Variants in TPRG1 observed in about 807,000 individuals in gnomAD.
TPRG1 encodes the protein tumor protein p63 regulated 1, also known as tumor protein p63-regulated gene 1 protein.
A neutral mutation model predicts 29.3 loss-of-function variants in TPRG1; 29 were observed. The observed-to-expected ratio is 0.99, with a 90% CI of 0.74 to 1.35. The LOEUF (loss-of-function observed/expected upper bound fraction) is 1.35. Ranked by LOEUF, TPRG1 falls within the 40% of genes most tolerant of loss-of-function variation. The pLI is 0.00. For missense variants in TPRG1, 327 were observed against 335.0 expected (o/e 0.98, Z 0.19); for synonymous variants, 130 against 116.8 (o/e 1.11, Z -0.73).
chr3:189,128,336 A>G (rs1373949357), intron 2 of TPRG1, among the ~76,000 whole-genome samples: 1 of 152,210 alleles, frequency 6.6e-6, no homozygotes, highest in Admixed American at 6.5e-5. Context: ...GACACCTTCA[A>G]GAAAGGGACA....
At chr3:189,086,407 G>A (rs1327002554) in intron 4 of TPRG1, among the ~76,000 whole-genome samples, 2 of 151,354 alleles carry the variant, frequency 1.3e-5, no homozygotes, top group Non-Finnish European at 2.9e-5. Context: ...CTCCCAGGCT[G>A]CACTGCAGTG....
chr3:189,272,925 G>A (rs890794146), intron 4 of TPRG1, among the ~76,000 whole-genome samples: 1 of 152,154 alleles, frequency 6.6e-6, no homozygotes, highest in Non-Finnish European at 1.5e-5. Context: ...TCTGGGGTCT[G>A]TAATGGAATA....
At chr3:189,116,839 AAG>A (rs1403758548) in intron 1 of TPRG1, among the ~76,000 whole-genome samples, 2 of 152,186 alleles carry the variant, frequency 1.3e-5, no homozygotes, top group Admixed American at 6.5e-5. Context: ...TCAAGATAAA[AAG>A]AGTTTTGGAG....
chr3:189,022,161 T>C (rs1198462867), intron 3 of TPRG1, among the ~76,000 whole-genome samples: 1 of 152,212 alleles, frequency 6.6e-6, no homozygotes, highest in Non-Finnish European at 1.5e-5. Context: ...TTTCATCTTC[T>C]TTGCCTTTGG....
chr3:189,176,251 G>A (rs534956471), intron 1 of TPRG1, among the ~76,000 whole-genome samples: 8 of 152,282 alleles, frequency 5.3e-5, no homozygotes, highest in African/African-American at 1.4e-4. Flanking sequence ...CTCAAGAGAC[G>A]TATGTAGGTG....
At chr3:189,279,513 T>C (rs1242817872) in intron 4 of TPRG1, among the ~76,000 whole-genome samples, 1 of 152,238 alleles carries the variant, frequency 6.6e-6, no homozygotes, top group African/African-American at 2.4e-5. Flanking sequence ...AGAAACTAAT[T>C]TGTGTAAATT....
Position 189,238,824 on chromosome 3 carries a change from T to C in TPRG1, c.394T>C (p.Cys132Arg), listed in dbSNP as rs935255265. 1 of 1,613,804 alleles carries C rather than the reference T, an allele frequency of 6.2e-7. No homozygotes were observed. The highest frequency in any genetic ancestry group is 8.5e-7 in the Non-Finnish European group (1 of 1,179,746). ...CAAATACGACTTCATCATGCTGAGT[T>C]GTGTGCAGCTGCAGCGGATTCCTCT... Reference protein sequence around the residue: ...ICKYDFIMLSCVQLQRIPLSA... With the variant: ...ICKYDFIMLSRVQLQRIPLSA... The change falls in exon 4 of 6, where the codon TGT becomes CGT. Residue 132 changes from cysteine (C) to arginine (R), a missense_variant. Cys to Arg is a radical substitution (Grantham distance 180, BLOSUM62 -3). Transcript: ENST00000345063.
intron 1 of TPRG1, among the ~76,000 whole-genome samples, chr3:189,201,032 T>C (rs1422829916): frequency 6.6e-6 from 1 of 152,272 alleles, no homozygotes; most frequent in African/African-American, 2.4e-5. Context: ...ACAGCATTTG[T>C]CCCCTTTGGA....
At chr3:189,231,106 A>T (rs1738567750) in intron 3 of TPRG1, among the ~76,000 whole-genome samples, 1 of 152,104 alleles carries the variant, frequency 6.6e-6, no homozygotes, top group Non-Finnish European at 1.5e-5. Context: ...CTGCAAAGGG[A>T]ACTTTACATA....
chr3:189,101,821 A>C (rs926303074), intron 1 of TPRG1, among the ~76,000 whole-genome samples: 1 of 151,328 alleles, frequency 6.6e-6, no homozygotes, highest in Non-Finnish European at 1.5e-5. Context: ...AATTAATAAT[A>C]AAAATAATAG....
chr3:189,113,868 T>A (rs562497235), intron 1 of TPRG1, among the ~76,000 whole-genome samples: 1 of 151,896 alleles, frequency 6.6e-6, no homozygotes, highest in South Asian at 2.1e-4. Flanking sequence ...TGTATACATA[T>A]GTAACTAACC....
At chr3:189,234,735 A>C (rs1562761) in intron 3 of TPRG1, among the ~76,000 whole-genome samples, 119,541 of 152,190 alleles carry the variant, frequency 0.79, 47,928 homozygotes, top group East Asian at 0.99. Context: ...TAAGAACTGA[A>C]TTTGTATTTT....
chr3:189,318,649 C>T (rs1052290525), intron 5 of TPRG1, among the ~76,000 whole-genome samples: 1 of 152,112 alleles, frequency 6.6e-6, no homozygotes, highest in Non-Finnish European at 1.5e-5. Flanking sequence ...TGGCTTTTGG[C>T]TTTTTGTTGA....
At chr3:189,055,436 G>A (rs958014424) in intron 4 of TPRG1, among the ~76,000 whole-genome samples, 2 of 152,302 alleles carry the variant, frequency 1.3e-5, no homozygotes, top group East Asian at 3.9e-4. Context: ...GTCCGCAAGG[G>A]CCCACTCAGG....
intron 4 of TPRG1, among the ~76,000 whole-genome samples, chr3:189,040,821 G>A (rs554930417): frequency 2.0e-5 from 3 of 152,278 alleles, no homozygotes; most frequent in East Asian, 1.9e-4. Context: ...ACTGAGCCAC[G>A]AGATGAGTCA....
At chr3:189,277,848 C>T (rs939827097) in intron 4 of TPRG1, among the ~76,000 whole-genome samples, 1 of 152,130 alleles carries the variant, frequency 6.6e-6, no homozygotes, top group East Asian at 1.9e-4. Flanking sequence ...TCAACTTACT[C>T]AAAAATGGGG....
At chr3:189,029,378 T>C (rs1282397581) in intron 4 of TPRG1, among the ~76,000 whole-genome samples, 1 of 152,154 alleles carries the variant, frequency 6.6e-6, no homozygotes, top group Admixed American at 6.5e-5. Context: ...TTATAAAACA[T>C]TCCATGTAAA....
chr3:189,238,074 T>C (rs1488649067), intron 3 of TPRG1, among the ~76,000 whole-genome samples: 1 of 152,210 alleles, frequency 6.6e-6, no homozygotes, highest in African/African-American at 2.4e-5. Flanking sequence ...CCTGGAAGGC[T>C]CTCACATCTG....
At chr3:189,003,038 C>T (rs1282760639) in intron 2 of TPRG1, among the ~76,000 whole-genome samples, 1 of 152,112 alleles carries the variant, frequency 6.6e-6, no homozygotes, top group African/African-American at 2.4e-5. Flanking sequence ...TAAACAAAGA[C>T]TGAAATATGA....
Sources: gnomAD v4.1 joint callset for allele counts (sites outside exome capture counted in the v4.1 genomes callset) on GRCh38, gnomAD v4.1.1 for gene constraint, MANE v1.5 for transcripts, NCBI Gene and HGNC (gene_info 2026-07-23, HGNC 2026-07-21) for gene names.